The following THADA variants were observed in gnomAD, a reference collection of about 807,000 sequenced individuals.
THADA encodes THADA armadillo repeat containing.
Under a neutral mutation model 219.8 loss-of-function variants are expected in THADA, and 213 were observed. The ratio of observed to expected loss-of-function variants is 0.97; its 90% CI spans 0.87 to 1.09. The LOEUF is 1.09. THADA is among the 50% of genes least tolerant of loss of function. The pLI, the probability that THADA is intolerant of heterozygous loss-of-function variation, is 0.00. For synonymous variants in THADA, 1,018 were observed against 828.9 expected (o/e 1.23, Z -3.92); for missense variants, 2,956 against 2,311.3 (o/e 1.28, Z -5.72).
At chr2:43,485,840 G>A (rs1686850592) in intron 25 of THADA, among the ~76,000 whole-genome samples, 1 of 151,358 alleles carries the variant, frequency 6.6e-6, no homozygotes, top group Non-Finnish European at 1.5e-5. Flanking sequence ...GACCAGCCTG[G>A]GCAATACAGT....
intron 29 of THADA, among the ~76,000 whole-genome samples, chr2:43,390,412 A>G (rs1174275298): frequency 6.6e-6 from 1 of 152,212 alleles, no homozygotes; most frequent in Non-Finnish European, 1.5e-5. Flanking sequence ...TGCAGCCAGC[A>G]CAGTTTCAGA....
At chr2:43,288,841 G>A (rs955897560) in intron 34 of THADA, among the ~76,000 whole-genome samples, 3 of 152,192 alleles carry the variant, frequency 2.0e-5, no homozygotes, top group Non-Finnish European at 2.9e-5. Flanking sequence ...AGTGGCCAAT[G>A]CAGTGAACTC....
chr2:43,347,048 G>A (rs996840819), intron 29 of THADA, among the ~76,000 whole-genome samples: 3 of 152,106 alleles, frequency 2.0e-5, no homozygotes, highest in Admixed American at 2.0e-4. Flanking sequence ...GCTGAATCAC[G>A]CCGTACTCCT....
intron 36 of THADA, among the ~76,000 whole-genome samples, chr2:43,268,823 G>A (rs1159669245): frequency 6.6e-6 from 1 of 152,226 alleles, no homozygotes. Context: ...ACTCAGGAGG[G>A]CAAAGGGCAG....
intron 4 of THADA, among the ~76,000 whole-genome samples, chr2:43,587,305 A>G (rs1308594981): frequency 3.9e-5 from 6 of 152,206 alleles, no homozygotes; most frequent in Non-Finnish European, 8.8e-5. Context: ...TCTCGGTTAA[A>G]GTACTAGTTG....
intron 15 of THADA, among the ~76,000 whole-genome samples, chr2:43,561,149 C>T (rs1698025780): frequency 6.6e-6 from 1 of 151,976 alleles, no homozygotes; most frequent in African/African-American, 2.4e-5. Flanking sequence ...TTTGGCCCTT[C>T]AGGGAAAAGC....
intron 36 of THADA, among the ~76,000 whole-genome samples, chr2:43,248,695 G>T (rs917464859): frequency 1.3e-5 from 2 of 152,080 alleles, no homozygotes; most frequent in African/African-American, 4.8e-5. Flanking sequence ...AAAACACATG[G>T]AATCCGTTTT....
chr2:43,345,105 G>A (rs1299016821), intron 29 of THADA, among the ~76,000 whole-genome samples: 1 of 152,182 alleles, frequency 6.6e-6, no homozygotes, highest in Non-Finnish European at 1.5e-5. Context: ...TAAGAACTCT[G>A]AAAGTCTATT....
intron 24 of THADA, among the ~76,000 whole-genome samples, chr2:43,503,247 G>C (rs542817411): frequency 6.6e-6 from 1 of 152,248 alleles, no homozygotes; most frequent in East Asian, 1.9e-4. Flanking sequence ...TGTGTAAGGA[G>C]ACACACAAGA....
intron 28 of THADA, among the ~76,000 whole-genome samples, chr2:43,425,801 C>T (rs772779652): frequency 7.9e-5 from 12 of 152,050 alleles, no homozygotes; most frequent in South Asian, 2.1e-4. Flanking sequence ...GTGTTATCAC[C>T]CTCATTTGCA....
chr2:43,594,351 G>T lies in THADA; in HGVS notation c.-25+1580C>A, dbSNP rs112534109. ...TCCCAGCACTTTGGGAGGCCGAGGC[G>T]GGTGGATCTCCTGAAGTCAGGAGTT... is the stretch of plus-strand genomic sequence containing the variant. On this transcript the variant is annotated intron_variant, in intron 1 of 37. Transcript: ENST00000405975. Among the ~76,000 whole-genome samples the T allele has an allele frequency of 9.7e-3, 1,473 of 152,190 alleles. 28 individuals carry two copies. Among genetic ancestry groups the T allele is most frequent in the African/African-American group, 0.033 (1,377 of 41,520 alleles).
At chr2:43,286,853 C>G in intron 35 of THADA, 55 bp downstream of exon 35, 1 of 1,569,066 alleles carries the variant, frequency 6.4e-7, no homozygotes, top group South Asian at 1.2e-5. Flanking sequence ...GCAAGAATAT[C>G]TATTCATATT....
At chr2:43,546,917 A>G (rs1351123580) in intron 20 of THADA, among the ~76,000 whole-genome samples, 1 of 152,032 alleles carries the variant, frequency 6.6e-6, no homozygotes, top group Non-Finnish European at 1.5e-5. Context: ...TGTCATTATG[A>G]TGTTAGCTGG....
At position 43,430,282 on chromosome 2, in the gene THADA, A is replaced by G; in HGVS notation, c.3857T>C (p.Phe1286Ser). The G allele has an allele frequency of 6.5e-7, 1 of 1,549,250 alleles. No homozygotes were observed. Among genetic ancestry groups the G allele is most frequent in the Non-Finnish European group, 8.7e-7 (1 of 1,145,754 alleles). Reference sequence around the variant, plus strand: ...AGGATAGAGTTCTGGGAAACGAGAGAAAAACTCTCTCCCTGTCATTCTGTG... The same window carrying G: ...AGGATAGAGTTCTGGGAAACGAGAGGAAAACTCTCTCCCTGTCATTCTGTG... ...KTNRMTGREF[F>S]SRFPELYPFL... Residue 1286 changes from phenylalanine to serine, a missense_variant, in exon 27 of 38, where the codon TTC becomes TCC. By Grantham distance (155) the Phe-to-Ser change is radical (BLOSUM62 -2). Coordinates refer to ENST00000405975, the MANE Select transcript of THADA (RefSeq NM_022065.5).
intron 20 of THADA, among the ~76,000 whole-genome samples, chr2:43,548,594 C>T (rs1200580771): frequency 6.6e-6 from 1 of 152,144 alleles, no homozygotes; most frequent in Non-Finnish European, 1.5e-5. Flanking sequence ...CCCCCAGCCT[C>T]GATGCTGCCT....
At chr2:43,537,974 G>C (rs946572882) in intron 21 of THADA, among the ~76,000 whole-genome samples, 5 of 151,230 alleles carry the variant, frequency 3.3e-5, no homozygotes, top group Non-Finnish European at 7.4e-5. Flanking sequence ...AAAAAAGAAT[G>C]TTTTAAAATA....
intron 29 of THADA, among the ~76,000 whole-genome samples, chr2:43,360,448 T>G (rs140577919): frequency 5.1e-4 from 78 of 152,322 alleles, no homozygotes; most frequent in African/African-American, 1.8e-3. Context: ...TGACTACAGG[T>G]CCTCAAGACT....
At chr2:43,472,183 G>T (rs538747689) in intron 26 of THADA, among the ~76,000 whole-genome samples, 15 of 152,336 alleles carry the variant, frequency 9.8e-5, no homozygotes, top group Non-Finnish European at 2.1e-4. Context: ...GTTTGGCAGT[G>T]CATGACAGCA....
At chr2:43,529,966 A>C (rs984844486) in intron 21 of THADA, among the ~76,000 whole-genome samples, 3 of 152,226 alleles carry the variant, frequency 2.0e-5, no homozygotes, top group Non-Finnish European at 4.4e-5. Context: ...GAACAGGCCC[A>C]GAACCTATAA....
Sources: gnomAD v4.1 joint callset for allele counts (sites outside exome capture counted in the v4.1 genomes callset) on GRCh38, gnomAD v4.1.1 for gene constraint, MANE v1.5 for transcripts, NCBI Gene and HGNC (gene_info 2026-07-23, HGNC 2026-07-21) for gene names.